The following BNC2 variants were observed in gnomAD, a reference collection of about 807,000 sequenced individuals.
The protein encoded by BNC2 is basonuclin zinc finger protein 2.
Under a neutral mutation model 76.3 loss-of-function variants are expected in BNC2, and 20 were observed. That is an observed-to-expected ratio of 0.26 (90% CI 0.18 to 0.38). BNC2 has a LOEUF of 0.38. Ranked by LOEUF, BNC2 falls within the 10% of genes least tolerant of loss-of-function variation. BNC2 has a pLI of 1.00. For synonymous variants in BNC2, 582 were observed against 514.8 expected (o/e 1.13, Z -1.77); for missense variants, 1,382 against 1,399.8 (o/e 0.99, Z 0.20).
chr9:16,685,408 A>C (rs535666288), intron 3 of BNC2: 1 of 425,994 alleles, frequency 2.3e-6, no homozygotes, highest in South Asian at 1.8e-5. Flanking sequence ...ATGGCTGCAC[A>C]TACGCTACAC....
At chr9:16,606,628 C>T (rs7872838) in intron 3 of BNC2, among the ~76,000 whole-genome samples, 17 of 151,558 alleles carry the variant, frequency 1.1e-4, no homozygotes, top group Admixed American at 3.9e-4. Flanking sequence ...CACCCCACAA[C>T]GTTCAAGCAA....
intron 5 of BNC2, among the ~76,000 whole-genome samples, chr9:16,464,350 A>T (rs966525809): frequency 6.6e-6 from 1 of 152,062 alleles, no homozygotes; most frequent in African/African-American, 2.4e-5. Context: ...ATTAGGATTA[A>T]GATTAAATAT....
intron 5 of BNC2, among the ~76,000 whole-genome samples, chr9:16,446,586 CATT>C (rs1821236229): frequency 6.6e-6 from 1 of 152,070 alleles, no homozygotes; most frequent in South Asian, 2.1e-4. Context: ...ACCAAAATAA[CATT>C]ATCAAAATGC....
At chr9:16,820,120 C>T (rs1206940123) in intron 1 of BNC2, among the ~76,000 whole-genome samples, 1 of 48,034 alleles carries the variant, frequency 2.1e-5, no homozygotes, top group African/African-American at 1.2e-4. Flanking sequence ...GTGAGACTGT[C>T]TCAAAAAAAA....
At chr9:16,518,245 T>G (rs1452605124) in intron 5 of BNC2, among the ~76,000 whole-genome samples, 1 of 152,074 alleles carries the variant, frequency 6.6e-6, no homozygotes, top group Non-Finnish European at 1.5e-5. Flanking sequence ...CTGGGCAACA[T>G]AGGGAGACCC....
At chr9:16,676,330 A>G (rs2134235421) in intron 3 of BNC2, among the ~76,000 whole-genome samples, 1 of 152,366 alleles carries the variant, frequency 6.6e-6, no homozygotes, top group South Asian at 2.1e-4. Flanking sequence ...ATGTACATAC[A>G]AAATCCATGC....
intron 1 of BNC2, among the ~76,000 whole-genome samples, chr9:16,837,407 G>A (rs1393263885): frequency 6.6e-6 from 1 of 152,196 alleles, no homozygotes; most frequent in Non-Finnish European, 1.5e-5. Flanking sequence ...AGGACGCTGA[G>A]GCAGGAGAAT....
intron 1 of BNC2, among the ~76,000 whole-genome samples, chr9:16,868,527 T>G (rs1219681229): frequency 6.6e-6 from 1 of 152,296 alleles, no homozygotes; most frequent in East Asian, 1.9e-4. Context: ...ATTCAAAGTC[T>G]TACATGCAAA....
At chr9:16,593,605 T>C (rs1441348295) in intron 3 of BNC2, among the ~76,000 whole-genome samples, 2 of 152,046 alleles carry the variant, frequency 1.3e-5, no homozygotes, top group South Asian at 2.1e-4. Flanking sequence ...TTAGTAATAT[T>C]AAAGAAACAT....
intron 3 of BNC2, among the ~76,000 whole-genome samples, chr9:16,588,819 C>T (rs1373982117): frequency 1.3e-5 from 2 of 152,130 alleles, no homozygotes; most frequent in Non-Finnish European, 2.9e-5. Context: ...GTGAATTGAA[C>T]CCCAATCTTC....
At position 16,435,892 on chromosome 9, in the gene BNC2, G is replaced by A. The variant is rs1233483802; in HGVS notation, c.2302C>T (p.His768Tyr). Residue 768 changes from histidine to tyrosine, a missense_variant, in exon 6 of 7, where the codon CAC becomes TAC. Physicochemically the swap from His to Tyr is moderately conservative, Grantham distance 83. Around this residue, in one of 3 missense-constraint regions of BNC2, gnomAD observed 798 missense variants for 775.5 expected, o/e 1.03. Coordinates refer to ENST00000380672, the MANE Select transcript of BNC2 (RefSeq NM_017637.6). ...TCCTTCACCTTGATGACGTCCTGGT[G>A]AGAGGGCTCACTGTGGTTCTCATCA... ...RPDENHSEPS[H>Y]QDVIKVKEEF... 1.9e-6 allele frequency: 3 copies of A among 1,613,850 alleles called. No individual in the cohort carries two copies. The highest frequency in any genetic ancestry group is 2.5e-6 in the Non-Finnish European group (3 of 1,179,894).
chr9:16,532,041 C>CT (rs34096384), intron 5 of BNC2, among the ~76,000 whole-genome samples: 17,007 of 147,756 alleles, frequency 0.12, 1,653 homozygotes, highest in African/African-American at 0.27. Flanking sequence ...GATTTAAGTT[C>CT]TTTTTTTTTT....
intron 5 of BNC2, among the ~76,000 whole-genome samples, chr9:16,494,361 C>T (rs1822340957): frequency 1.3e-5 from 2 of 151,770 alleles, no homozygotes; most frequent in Admixed American, 6.6e-5. Flanking sequence ...CCATGTTGGC[C>T]GGGGTGGTCT....
chr9:16,430,737 C>T (rs1820892911), intron 6 of BNC2, among the ~76,000 whole-genome samples: 1 of 152,134 alleles, frequency 6.6e-6, no homozygotes, highest in Non-Finnish European at 1.5e-5. Flanking sequence ...AACCCAGAGG[C>T]CTACAAAGGA....
chr9:16,563,512 A>G (rs1819076816), intron 4 of BNC2, among the ~76,000 whole-genome samples: 1 of 152,224 alleles, frequency 6.6e-6, no homozygotes, highest in African/African-American at 2.4e-5. Flanking sequence ...CCTTTTCCAT[A>G]AATTGAAAAA....
At chr9:16,751,472 A>C (rs1482177116) in intron 1 of BNC2, among the ~76,000 whole-genome samples, 1 of 151,804 alleles carries the variant, frequency 6.6e-6, no homozygotes, top group Non-Finnish European at 1.5e-5. Context: ...AAATCTCCCT[A>C]TCTCTCGACT....
chr9:16,622,816 GA>G (rs1047895207), intron 3 of BNC2, among the ~76,000 whole-genome samples: 4 of 152,060 alleles, frequency 2.6e-5, no homozygotes, highest in African/African-American at 9.7e-5. Flanking sequence ...AGGGCTAAGG[GA>G]AACGCATGTA....
chr9:16,600,858 T>C (rs1327267275), intron 3 of BNC2, among the ~76,000 whole-genome samples: 1 of 152,184 alleles, frequency 6.6e-6, no homozygotes, highest in Admixed American at 6.5e-5. Context: ...TGTACACAGT[T>C]GTCAGGTGTC....
intron 4 of BNC2, among the ~76,000 whole-genome samples, chr9:16,578,973 T>C (rs2132989735): frequency 6.6e-6 from 1 of 152,258 alleles, no homozygotes; most frequent in South Asian, 2.1e-4. Flanking sequence ...AGACTAGGTA[T>C]GGCCATCTTT....
Sources: allele counts gnomAD v4.1 joint callset (sites outside exome capture counted in the v4.1 genomes callset), GRCh38; gene constraint gnomAD v4.1.1; regional missense constraint gnomAD v4.1.1; transcripts MANE v1.5; gene names NCBI Gene and HGNC (gene_info 2026-07-23, HGNC 2026-07-21).